The following TINAG variants were observed in gnomAD, a reference collection of about 807,000 sequenced individuals.
TINAG encodes tubulointerstitial nephritis antigen.
A neutral mutation model predicts 72.7 loss-of-function variants in TINAG; 83 were observed. That is an observed-to-expected ratio of 1.14 (90% confidence interval 0.96 to 1.37). The LOEUF is 1.37. Ranked by LOEUF, TINAG falls within the 40% of genes most tolerant of loss-of-function variation. The pLI is 0.00. For synonymous variants in TINAG, 234 were observed against 189.9 expected (o/e 1.23, Z -1.91); for missense variants, 685 against 576.6 (o/e 1.19, Z -1.93).
At chr6:54,322,388 T>C (rs12192061) in intron 3 of TINAG, among the ~76,000 whole-genome samples, 3 of 151,532 alleles carry the variant, frequency 2.0e-5, no homozygotes, top group African/African-American at 7.3e-5. Context: ...GCTTTTATTA[T>C]AGAACTAAAA....
intron 2 of TINAG, 29 bp from the exon 3 acceptor site, chr6:54,321,268 C>G: frequency 6.4e-7 from 1 of 1,573,064 alleles, no homozygotes; most frequent in Non-Finnish European, 8.7e-7. Flanking sequence ...AAAGACCAAG[C>G]CACTTTTGTA....
At position 54,326,925 on chromosome 6, in the gene TINAG, T is replaced by C. The variant is rs765768827; in HGVS notation, c.624+9T>C. The C allele has an allele frequency of 6.2e-7, 1 of 1,613,068 alleles. No individual in the cohort carries two copies. Among genetic ancestry groups the C allele is most frequent in the Non-Finnish European group, 8.5e-7 (1 of 1,179,818 alleles). ...GCATGAATGAAATGACAGTAAGTGT[T>C]CCTTCTGATTCACGTATGTGCATGT... On this transcript the variant is annotated intron_variant, in intron 4 of 10. Transcript: ENST00000259782.
At chr6:54,332,283 G>T (rs1319634509) in intron 4 of TINAG, among the ~76,000 whole-genome samples, 2 of 152,012 alleles carry the variant, frequency 1.3e-5, no homozygotes, top group African/African-American at 2.4e-5. Context: ...CAGACAAATG[G>T]AACAGAACAG....
In TINAG at chr6:54,349,729, G is replaced by A. The variant is rs781049566; in HGVS notation, c.913G>A (p.Ala305Thr). 3.4e-5 allele frequency: 54 copies of A among 1,570,578 alleles called. No homozygotes were observed. The highest frequency in any genetic ancestry group is 4.2e-5 in the Non-Finnish European group (48 of 1,153,882). Residue 305 changes from alanine to threonine, a missense_variant, in exon 7 of 11, where the codon GCA becomes ACA. Ala to Thr is a moderately conservative substitution (Grantham distance 58). Transcript: ENST00000259782. The part of the protein sequence containing the change: ...YLRKRGLVSH[A>T]CYPLFKDQNA... The stretch of plus-strand genomic sequence containing the variant: ...TATTCCTCATAGACTGGTATCCCAC[G>A]CATGCTACCCACTTTTCAAAGACCA...
At chr6:54,329,028 G>GTTGTTGGA (rs1292208444) in intron 4 of TINAG, among the ~76,000 whole-genome samples, 4 of 152,146 alleles carry the variant, frequency 2.6e-5, no homozygotes, top group African/African-American at 9.6e-5. Flanking sequence ...AGGGCGAATA[G>GTTGTTGGA]AACCAAGTTG....
chr6:54,372,241 C>T (rs1423285614), intron 9 of TINAG, among the ~76,000 whole-genome samples: 2 of 151,912 alleles, frequency 1.3e-5, no homozygotes, highest in Non-Finnish European at 2.9e-5. Context: ...ATCTGCCTAC[C>T]TTGGCCTCCC....
chr6:54,341,823 A>G lies in TINAG; in HGVS notation c.625-1403A>G, dbSNP rs1167611118. Among the ~76,000 whole-genome samples, 4 of 152,140 alleles carry G rather than the reference A, an allele frequency of 2.6e-5. No homozygotes were observed. The East Asian group carries it at 7.7e-4, about 29-fold the overall frequency. The stretch of plus-strand genomic sequence containing the variant: ...TTCTGATAAAGCAGGGAAACTATAG[A>G]AATGAAGCAGTTAAGAATTTAGAAG... On this transcript the variant is annotated intron_variant, in intron 4 of 10. Transcript: ENST00000259782.
chr6:54,325,284 C>T (rs1266051098), intron 3 of TINAG, among the ~76,000 whole-genome samples: 1 of 152,184 alleles, frequency 6.6e-6, no homozygotes, highest in Non-Finnish European at 1.5e-5. Context: ...AAGGTATGAG[C>T]TTCTTAAATG....
chr6:54,345,170 G>A (rs1168337249), intron 5 of TINAG, among the ~76,000 whole-genome samples: 3 of 152,102 alleles, frequency 2.0e-5, no homozygotes, highest in African/African-American at 7.2e-5. Context: ...ACTGTCCAGT[G>A]AGAGTTTTTA....
chr6:54,368,070 C>T (rs1010455048), intron 9 of TINAG, among the ~76,000 whole-genome samples: 33 of 151,568 alleles, frequency 2.2e-4, no homozygotes, highest in African/African-American at 7.7e-4. Flanking sequence ...GGGACACAAA[C>T]TTTGAGTCCG....
At chr6:54,363,472 A>G (rs1437830769) in intron 9 of TINAG, among the ~76,000 whole-genome samples, 1 of 151,380 alleles carries the variant, frequency 6.6e-6, no homozygotes, top group African/African-American at 2.4e-5. Context: ...TGAGTTTGTA[A>G]TGGGGCATGG....
At chr6:54,319,914 T>C (rs1162572648) in intron 1 of TINAG, among the ~76,000 whole-genome samples, 1 of 152,174 alleles carries the variant, frequency 6.6e-6, no homozygotes, top group Non-Finnish European at 1.5e-5. Context: ...TTTTACAATA[T>C]GTTACTAGTG....
chr6:54,381,641 AT>A (rs1400301458), intron 10 of TINAG, among the ~76,000 whole-genome samples: 1 of 152,162 alleles, frequency 6.6e-6, no homozygotes, highest in African/African-American at 2.4e-5. Flanking sequence ...TAAAAATATA[AT>A]TTTTCTCATT....
intron 1 of TINAG, among the ~76,000 whole-genome samples, chr6:54,315,422 A>T (rs935879563): frequency 1.3e-5 from 2 of 152,102 alleles, no homozygotes; most frequent in Non-Finnish European, 2.9e-5. Flanking sequence ...TAATCCCAGC[A>T]CTTTGGAGGT....
At chr6:54,374,393 TAG>T (rs967608383) in intron 9 of TINAG, among the ~76,000 whole-genome samples, 2 of 152,124 alleles carry the variant, frequency 1.3e-5, no homozygotes, top group Non-Finnish European at 2.9e-5. Flanking sequence ...TTTGCTCAAG[TAG>T]AAAATTAAGT....
intron 9 of TINAG, among the ~76,000 whole-genome samples, chr6:54,361,763 T>C (rs1763244226): frequency 6.6e-6 from 1 of 151,564 alleles, no homozygotes; most frequent in Admixed American, 6.6e-5. Context: ...AAATTGTGAA[T>C]ACAAAAGAAA....
At chr6:54,368,345 A>G (rs1763499301) in intron 9 of TINAG, among the ~76,000 whole-genome samples, 1 of 147,906 alleles carries the variant, frequency 6.8e-6, no homozygotes, top group South Asian at 2.1e-4. Context: ...TAATTTAAAT[A>G]TTAAATAATA....
chr6:54,320,175 C>T (rs1373075435), intron 1 of TINAG, among the ~76,000 whole-genome samples: 1 of 152,040 alleles, frequency 6.6e-6, no homozygotes, highest in Non-Finnish European at 1.5e-5. Context: ...TTGCTTCAGT[C>T]ATATCCAATT....
intron 6 of TINAG, among the ~76,000 whole-genome samples, chr6:54,349,142 A>T (rs1446486273): frequency 2.0e-5 from 3 of 151,792 alleles, no homozygotes; most frequent in Non-Finnish European, 2.9e-5. Flanking sequence ...TTAACATTTA[A>T]TATTATATTA....
Sources: gnomAD v4.1 joint callset for allele counts (sites outside exome capture counted in the v4.1 genomes callset) on GRCh38, gnomAD v4.1.1 for gene constraint, MANE v1.5 for transcripts, NCBI Gene and HGNC (gene_info 2026-07-23, HGNC 2026-07-21) for gene names.